Variants in CCDC191 observed in about 807,000 individuals in gnomAD.
CCDC191 encodes the protein coiled-coil domain containing 191.
Under a neutral mutation model 114.0 loss-of-function variants are expected in CCDC191, and 99 were observed. That is an observed-to-expected ratio of 0.87 (90% CI 0.74 to 1.03). The LOEUF is 1.03. Among genes scored for constraint, CCDC191 ranks in the 50% least tolerant of loss-of-function variants. The pLI is 0.00. For synonymous variants in CCDC191, 351 were observed against 376.0 expected, an observed-to-expected ratio of 0.93 and a Z score of 0.77; for missense variants, 973 against 1,087.0, an observed-to-expected ratio of 0.90 and a Z score of 1.47.
intron 7 of CCDC191, among the ~76,000 whole-genome samples, chr3:114,030,407 CTCT>C (rs1268283978): frequency 2.0e-5 from 3 of 152,090 alleles, no homozygotes; most frequent in Admixed American, 1.3e-4. Flanking sequence ...ATACTCGTTT[CTCT>C]TCTTATTTTC....
intron 13 of CCDC191, chr3:113,984,185 T>G (rs945770017): frequency 1.3e-5 from 2 of 152,070 alleles, no homozygotes; most frequent in Non-Finnish European, 2.9e-5. Flanking sequence ...AAGAAATATA[T>G]ATGATTGCCC....
intron 4 of CCDC191, among the ~76,000 whole-genome samples, chr3:114,038,257 G>T (rs1473687912): frequency 6.6e-6 from 1 of 152,160 alleles, no homozygotes; most frequent in East Asian, 1.9e-4. Context: ...CAAAGATAGT[G>T]GGGTAATGAA....
chr3:113,989,257 A>G lies in CCDC191; in HGVS notation c.2164-8464T>C, dbSNP rs370022272. Among the ~76,000 whole-genome samples, 98 of 152,344 alleles carry G rather than the reference A, an allele frequency of 6.4e-4. 2 individuals carry two copies. In the South Asian group the frequency reaches 0.02, roughly 32 times the overall value. On this transcript the variant is annotated intron_variant, in intron 13 of 16. Transcript: ENST00000295878. Reference sequence around the variant, plus strand: ...AGAAGCAGGCACAAAATCAGTAAGAATACAGATATAGATACCGTAAGACAC... The same window carrying G: ...AGAAGCAGGCACAAAATCAGTAAGAGTACAGATATAGATACCGTAAGACAC...
chr3:114,042,282 C>T (rs1342578315), intron 4 of CCDC191, among the ~76,000 whole-genome samples: 3 of 152,010 alleles, frequency 2.0e-5, no homozygotes, highest in Admixed American at 1.3e-4. Context: ...AATAACAATA[C>T]AACAATAAAA....
chr3:114,005,788 G>C lies in CCDC191; in HGVS notation c.1588C>G (p.Gln530Glu). The C allele has an allele frequency of 6.2e-7, 1 of 1,614,132 alleles. No homozygotes were observed. The highest frequency in any genetic ancestry group is 8.5e-7 in the Non-Finnish European group (1 of 1,180,004). Residue 530 changes from glutamine (Q) to glutamate (E), a missense_variant, in exon 10 of 17, where the codon CAG (glutamine) becomes GAG (glutamate). By Grantham distance (29) the Gln-to-Glu change is conservative. Transcript: ENST00000295878. Reference protein sequence around the residue: ...HKTLGAEPSQQPGSNETLRTT... With the variant: ...HKTLGAEPSQEPGSNETLRTT... ...CTGAGTGTCTCGTTGCTGCCAGGCT[G>C]TTGAGAGGGTTCAGCACCCAGGGTC...
intron 13 of CCDC191, among the ~76,000 whole-genome samples, chr3:113,999,081 A>G (rs2075798989): frequency 6.6e-6 from 1 of 152,186 alleles, no homozygotes; most frequent in South Asian, 2.1e-4. Context: ...AAGTCCGTAC[A>G]TGCTCTTAAT....
chr3:113,996,053 A>T (rs1056421330), intron 13 of CCDC191, among the ~76,000 whole-genome samples: 1 of 151,646 alleles, frequency 6.6e-6, no homozygotes, highest in Non-Finnish European at 1.5e-5. Context: ...GATTGCAAAA[A>T]TTTTCTCCCT....
intron 16 of CCDC191, among the ~76,000 whole-genome samples, chr3:113,969,931 C>T (rs1000254664): frequency 2.0e-5 from 3 of 152,092 alleles, no homozygotes; most frequent in Non-Finnish European, 2.9e-5. Flanking sequence ...CTGTAAATTG[C>T]TTTGGGTAGT....
chr3:114,022,995 A>G (rs2076265660), intron 7 of CCDC191, among the ~76,000 whole-genome samples: 1 of 152,236 alleles, frequency 6.6e-6, no homozygotes, highest in Non-Finnish European at 1.5e-5. Flanking sequence ...TAAGCTGATA[A>G]GCAACTTCAG....
chr3:114,046,712 C>A lies in CCDC191; in HGVS notation c.150G>T (p.Glu50Asp), dbSNP rs996419783. ...TAAAAAATGCATTTGACACTGCAAACTCTGAGGCTTTCTCCACTCTCTTCA... is the reference window on the plus strand; with the variant it reads ...TAAAAAATGCATTTGACACTGCAAAATCTGAGGCTTTCTCCACTCTCTTCA... ...HWIKRVEKAS[E>D]FAVSNAFFTR... is the part of the protein sequence containing the mutation. Residue 50 changes from glutamate to aspartate, a missense_variant, in exon 3 of 17, where the codon GAG (glutamate) becomes GAT (aspartate). Glu to Asp is a conservative substitution (Grantham distance 45, BLOSUM62 2). Transcript: ENST00000295878. 2.0e-5 allele frequency: 33 copies of A among 1,612,056 alleles called. No individual in the cohort carries two copies. Among genetic ancestry groups the A allele is most frequent in the Non-Finnish European group, 2.8e-5 (33 of 1,178,842 alleles).
At chr3:114,053,929 T>C (rs964545242) in intron 1 of CCDC191, among the ~76,000 whole-genome samples, 21 of 151,780 alleles carry the variant, frequency 1.4e-4, no homozygotes, top group African/African-American at 4.6e-4. Flanking sequence ...TTTTTAAACC[T>C]CCTTAGGGTT....
chr3:113,978,248 CATGTT>C lies in CCDC191; in HGVS notation c.2539_2543del (p.Asn847GlyfsTer13), dbSNP rs1452813774. On this transcript the variant is annotated frameshift_variant, in exon 16 of 17. Transcript: ENST00000295878. LOFTEE classifies it high-confidence loss of function. ...GAGAATCGATCTTCACCTCCCTGACCATGTTAAACCAGGCCCTGAAAATCTTCTTT... is the reference window on the plus strand; with the variant it reads ...GAGAATCGATCTTCACCTCCCTGACCAAACCAGGCCCTGAAAATCTTCTTT... The C allele has an allele frequency of 6.2e-7, 1 of 1,614,010 alleles. No individual in the cohort carries two copies. The highest frequency in any genetic ancestry group is 1.7e-5 in the Admixed American group (1 of 60,006).
Position 114,024,705 on chromosome 3 carries a change from TA to T in CCDC191, c.973-5838del, listed in dbSNP as rs199689189. 1.3e-3 allele frequency among the ~76,000 whole-genome samples: 196 copies of T among 150,768 alleles called. 2 individuals carry two copies. The East Asian group carries it at 0.037, about 28-fold the overall frequency. On this transcript the variant is annotated intron_variant, in intron 7 of 16. Coordinates refer to ENST00000295878, the MANE Select transcript of CCDC191 (RefSeq NM_020817.2). ...TCACACACCAGGGGCTGTTGTGGGG[TA>T]GGGGGAGGGAGGAGGGATAGCATTA...
At chr3:113,975,605 T>C (rs368792735) in intron 16 of CCDC191, among the ~76,000 whole-genome samples, 2 of 152,130 alleles carry the variant, frequency 1.3e-5, no homozygotes, top group East Asian at 3.8e-4. Flanking sequence ...AACAGTAAAT[T>C]ATATACTTTC....
At chr3:114,029,099 G>A (rs923310312) in intron 7 of CCDC191, among the ~76,000 whole-genome samples, 8 of 151,954 alleles carry the variant, frequency 5.3e-5, no homozygotes, top group Admixed American at 4.6e-4. Context: ...TCCAACAAAA[G>A]GAATCAAAGT....
rs2107537797 is a variant in CCDC191, at chr3:113,965,327, T to C, written c.2639A>G (p.Lys880Arg). Residue 880 changes from lysine (K) to arginine (R), a missense_variant, in exon 17 of 17, where the codon AAG becomes AGG. By Grantham distance (26) the Lys-to-Arg change is conservative. Transcript: ENST00000295878. ...RILWITLRTW[K>R]KFVKFMKEER... ...CTCTTTCATAAATTTTACAAACTTCTTCCATGTCCGAAGGGTGATCCAGAG... is the reference window on the plus strand; with the variant it reads ...CTCTTTCATAAATTTTACAAACTTCCTCCATGTCCGAAGGGTGATCCAGAG... 6.2e-7 allele frequency: 1 copy of C among 1,609,692 alleles called. No individual in the cohort carries two copies. The highest frequency in any genetic ancestry group is 1.7e-4 in the Middle Eastern group (1 of 6,028).
chr3:114,031,858 T>C (rs535382716), intron 6 of CCDC191, 79 bp from the exon 7 acceptor site: 1 of 667,994 alleles, frequency 1.5e-6, no homozygotes, highest in East Asian at 2.8e-5. Context: ...TGTAGCAGAA[T>C]AATCACTGAA....
chr3:114,028,507 G>A (rs1007528559), intron 7 of CCDC191, among the ~76,000 whole-genome samples: 7 of 151,700 alleles, frequency 4.6e-5, no homozygotes, highest in Non-Finnish European at 7.4e-5. Context: ...GGATGGTCTC[G>A]ATCTCCTGAC....
In CCDC191 at chr3:114,031,741, G is replaced by A; in HGVS notation, c.857C>T (p.Ser286Leu). The change falls in exon 7 of 17, where the codon TCA (serine) becomes TTA (leucine). Residue 286 changes from serine (S) to leucine (L), a missense_variant. Physicochemically the swap from Ser to Leu is moderately radical, Grantham distance 145. Transcript: ENST00000295878. ...KRQEENSQNS[S>L]EKVMFQSTHI... Reference sequence around the variant, plus strand: ...AGTACTTTGAAACATGACTTTTTCTGAACTATTTTGAGAATTCTCTTCTTG... The same window carrying A: ...AGTACTTTGAAACATGACTTTTTCTAAACTATTTTGAGAATTCTCTTCTTG... 1 of 1,503,160 alleles carries A rather than the reference G, an allele frequency of 6.7e-7. No individual in the cohort carries two copies. The highest frequency in any genetic ancestry group is 9.2e-7 in the Non-Finnish European group (1 of 1,081,244). The allele number at this position is 1,503,160 out of a possible 1,614,324, so 93.1% of individuals were successfully genotyped here. A position where few individuals can be genotyped will look rare whatever the true frequency, so the allele number is the denominator to read the frequency against.
Sources: allele counts gnomAD v4.1 joint callset (sites outside exome capture counted in the v4.1 genomes callset), GRCh38; gene constraint gnomAD v4.1.1; transcripts MANE v1.5; gene names NCBI Gene and HGNC (gene_info 2026-07-23, HGNC 2026-07-21).